ZBTB20: variants seen among roughly 807,000 people sequenced by gnomAD.
The protein encoded by ZBTB20 is zinc finger and BTB domain-containing protein 20.
Under a neutral mutation model 56.9 loss-of-function variants are expected in ZBTB20, and 9 were observed. That is an observed-to-expected ratio of 0.16 (90% confidence interval 0.10 to 0.28). ZBTB20 has a LOEUF of 0.28. Ranked by LOEUF, ZBTB20 falls within the 10% of genes least tolerant of loss-of-function variation. ZBTB20 has a pLI of 1.00. For synonymous variants in ZBTB20, 417 were observed against 420.7 expected (o/e 0.99, Z 0.11); for missense variants, 655 against 1,003.0 (o/e 0.65, Z 4.69).
chr3:114,392,331 G>C (rs9864199), intron 7 of ZBTB20, among the ~76,000 whole-genome samples: 1 of 151,920 alleles, frequency 6.6e-6, no homozygotes, highest in African/African-American at 2.4e-5. Flanking sequence ...TATATGCCCC[G>C]TTCTCCATGA....
chr3:114,527,224 G>GC (rs2047329231), intron 6 of ZBTB20: 1 of 152,156 alleles, frequency 6.6e-6, no homozygotes, highest in South Asian at 2.1e-4. Flanking sequence ...TACTGCAGTG[G>GC]CCACTAGATG....
intron 2 of ZBTB20, among the ~76,000 whole-genome samples, chr3:115,006,998 G>A (rs1165865827): frequency 6.6e-6 from 1 of 151,622 alleles, no homozygotes; most frequent in Admixed American, 6.6e-5. Flanking sequence ...TCCCTTTTGA[G>A]TTTAGTCTTT....
Position 115,126,081 on chromosome 3 carries a change from T to C in ZBTB20, c.-703+21138A>G, listed in dbSNP as rs1651553617. 1.3e-5 allele frequency among the ~76,000 whole-genome samples: 2 copies of C among 152,080 alleles called. 1 individual carries two copies. Among genetic ancestry groups the C allele is most frequent in the Admixed American group, 1.3e-4 (2 of 15,270 alleles). On this transcript the variant is annotated intron_variant, in intron 1 of 11. Transcript: ENST00000675478. ...ATTTCACAGAAGGAAAAGACACATGTAGGAAAACACACATATACATGTTCA... is the reference window on the plus strand; with the variant it reads ...ATTTCACAGAAGGAAAAGACACATGCAGGAAAACACACATATACATGTTCA...
At chr3:114,678,622 A>G (rs1386759208) in intron 6 of ZBTB20, among the ~76,000 whole-genome samples, 1 of 152,186 alleles carries the variant, frequency 6.6e-6, no homozygotes, top group Non-Finnish European at 1.5e-5. Flanking sequence ...TAAGCTGATA[A>G]TTTCAAAAAG....
At chr3:114,714,638 C>A (rs2064333014) in intron 5 of ZBTB20, among the ~76,000 whole-genome samples, 1 of 151,996 alleles carries the variant, frequency 6.6e-6, no homozygotes, top group South Asian at 2.1e-4. Context: ...GTTGTGGCAC[C>A]TATTAACTAC....
At chr3:114,864,132 T>A (rs1560336608) in intron 4 of ZBTB20, among the ~76,000 whole-genome samples, 1 of 152,112 alleles carries the variant, frequency 6.6e-6, no homozygotes, top group Non-Finnish European at 1.5e-5. Context: ...TTTGTAAAAC[T>A]GAAATCTGTT....
chr3:114,716,007 G>A (rs144237823), intron 5 of ZBTB20, among the ~76,000 whole-genome samples: 2 of 152,276 alleles, frequency 1.3e-5, no homozygotes, highest in African/African-American at 4.8e-5. Context: ...TTATAATCAT[G>A]AGCATTCTTT....
intron 7 of ZBTB20, among the ~76,000 whole-genome samples, chr3:114,390,309 G>A (rs9853535): frequency 0.077 from 11,679 of 152,118 alleles, 982 homozygotes; most frequent in African/African-American, 0.21. Context: ...GTGTTCCATT[G>A]TGTACTTTTA....
At chr3:114,935,480 C>G (rs1025162035) in intron 3 of ZBTB20, among the ~76,000 whole-genome samples, 1 of 152,076 alleles carries the variant, frequency 6.6e-6, no homozygotes, top group African/African-American at 2.4e-5. Flanking sequence ...CTCAAAACAT[C>G]CTTCCAATTA....
chr3:114,973,395 G>C (rs886988028), intron 3 of ZBTB20, among the ~76,000 whole-genome samples: 5 of 152,166 alleles, frequency 3.3e-5, no homozygotes, highest in South Asian at 2.1e-4. Context: ...GAGCTTTCTG[G>C]AAGTATGAGA....
At chr3:115,011,215 G>A (rs945035855) in intron 2 of ZBTB20, among the ~76,000 whole-genome samples, 1 of 151,860 alleles carries the variant, frequency 6.6e-6, no homozygotes, top group Admixed American at 6.6e-5. Flanking sequence ...GGAAGAGAAA[G>A]AGACAGGGGT....
chr3:114,664,604 AAC>A (rs377253945), intron 6 of ZBTB20, among the ~76,000 whole-genome samples: 15,508 of 148,406 alleles, frequency 0.1, 1,078 homozygotes, highest in African/African-American at 0.21. Context: ...CCACCTCCCC[AAC>A]ACACACACAC....
intron 3 of ZBTB20, among the ~76,000 whole-genome samples, chr3:114,932,869 C>T (rs1463248982): frequency 2.6e-5 from 4 of 152,208 alleles, no homozygotes; most frequent in Non-Finnish European, 4.4e-5. Context: ...ACTGACCTTG[C>T]ACCCTTTTTT....
At chr3:115,110,207 T>C (rs1253273088) in intron 1 of ZBTB20, among the ~76,000 whole-genome samples, 8 of 147,668 alleles carry the variant, frequency 5.4e-5, no homozygotes, top group Middle Eastern at 7.0e-3. Flanking sequence ...GACTCTGTCT[T>C]AGAAAAAAAA....
rs1487465799 is a variant in ZBTB20, at chr3:114,332,701, C to T, written c.*6304G>A. 1.3e-5 allele frequency: 2 copies of T among 152,190 alleles called. No homozygotes were observed. Among genetic ancestry groups the T allele is most frequent in the Non-Finnish European group, 2.9e-5 (2 of 68,042 alleles). 9.4% of individuals were successfully genotyped at this position (152,190 alleles called of 1,614,324 possible). A position where few individuals can be genotyped will look rare whatever the true frequency, so the allele number is the denominator to read the frequency against. On this transcript the variant is annotated 3_prime_UTR_variant, in exon 12 of 12. Coordinates refer to ENST00000675478, the MANE Select transcript of ZBTB20 (RefSeq NM_001348800.3). ...TATATCTTTTATCCTCTTCCCAGGG[C>T]TTTCTGATTTAAGGCAATAATGCTA... is the stretch of plus-strand genomic sequence containing the variant.
intron 6 of ZBTB20, among the ~76,000 whole-genome samples, chr3:114,604,801 G>A (rs1382782651): frequency 2.6e-5 from 4 of 151,938 alleles, no homozygotes; most frequent in Non-Finnish European, 5.9e-5. Context: ...AAGCTCAATC[G>A]AGTTACCAGT....
intron 5 of ZBTB20, among the ~76,000 whole-genome samples, chr3:114,756,090 AT>A (rs2067990868): frequency 6.6e-6 from 1 of 152,062 alleles, no homozygotes; most frequent in Non-Finnish European, 1.5e-5. Flanking sequence ...GCAATCATGT[AT>A]TTATGTTTAT....
intron 5 of ZBTB20, among the ~76,000 whole-genome samples, chr3:114,707,233 C>T (rs570058949): frequency 5.3e-5 from 8 of 152,162 alleles, no homozygotes; most frequent in South Asian, 4.1e-4. Context: ...TATATCTATT[C>T]GGAAGGACTA....
chr3:114,460,797 T>C (rs765993923), intron 7 of ZBTB20, among the ~76,000 whole-genome samples: 4 of 152,244 alleles, frequency 2.6e-5, no homozygotes, highest in Non-Finnish European at 4.4e-5. Flanking sequence ...TTCAACACAG[T>C]TGAAATATTT....
Sources: allele counts gnomAD v4.1 joint callset (sites outside exome capture counted in the v4.1 genomes callset), GRCh38; gene constraint gnomAD v4.1.1; transcripts MANE v1.5; gene names NCBI Gene and HGNC (gene_info 2026-07-23, HGNC 2026-07-21).